Variants in KCNAB1 observed in about 807,000 individuals in gnomAD.
KCNAB1 encodes voltage-gated potassium channel subunit beta-1.
KCNAB1 carries 35 observed loss-of-function variants against 64.6 expected under a neutral mutation model. The ratio of observed to expected loss-of-function variants is 0.54; its 90% confidence interval spans 0.41 to 0.72. KCNAB1 has a LOEUF of 0.72. Ranked by LOEUF, KCNAB1 falls within the 30% of genes least tolerant of loss-of-function variation. The pLI is 0.00. For missense variants in KCNAB1, 401 were observed against 512.9 expected, an observed-to-expected ratio of 0.78 and a Z score of 2.11; for synonymous variants, 177 against 183.8, an observed-to-expected ratio of 0.96 and a Z score of 0.30.
At chr3:156,347,870 G>A (rs1724585208) in intron 1 of KCNAB1, among the ~76,000 whole-genome samples, 1 of 152,032 alleles carries the variant, frequency 6.6e-6, no homozygotes, top group Admixed American at 6.6e-5. Flanking sequence ...GATCTGGCAG[G>A]GCAAAATCAA....
intron 1 of KCNAB1, among the ~76,000 whole-genome samples, chr3:156,225,402 G>A (rs112855024): frequency 6.6e-6 from 1 of 152,114 alleles, no homozygotes; most frequent in East Asian, 1.9e-4. Flanking sequence ...AGCAAAATCG[G>A]CATAGAAGGG....
chr3:156,293,211 G>A (rs976166706), intron 1 of KCNAB1, among the ~76,000 whole-genome samples: 5 of 152,154 alleles, frequency 3.3e-5, no homozygotes, highest in African/African-American at 1.2e-4. Context: ...AAGTCCCTCT[G>A]ACTTTATTTC....
At chr3:156,388,953 G>T (rs1164101189) in intron 1 of KCNAB1, among the ~76,000 whole-genome samples, 2 of 152,156 alleles carry the variant, frequency 1.3e-5, no homozygotes, top group African/African-American at 4.8e-5. Context: ...TGGAAGTATT[G>T]GCAGATAAGA....
chr3:156,155,361 C>T lies in KCNAB1; in HGVS notation c.275+34475C>T, dbSNP rs543926524. On this transcript the variant is annotated intron_variant, in intron 1 of 13. Coordinates refer to ENST00000490337, the MANE Select transcript of KCNAB1 (RefSeq NM_172160.3). ...TTAAAGGATTTAATTCTAGTGGGGA[C>T]GTGCCAGTTAATGAACAAAAATAAA... is the stretch of plus-strand genomic sequence containing the variant. Among the ~76,000 whole-genome samples, 149 of 152,188 alleles carry T rather than the reference C, an allele frequency of 9.8e-4. 1 individual carries two copies. The highest frequency in any genetic ancestry group is 4.1e-3 in the South Asian group (20 of 4,824).
At chr3:156,260,064 C>T (rs150854670) in intron 1 of KCNAB1, among the ~76,000 whole-genome samples, 7 of 152,226 alleles carry the variant, frequency 4.6e-5, no homozygotes, top group Admixed American at 2.6e-4. Context: ...AGCAACTAAA[C>T]GCATTGTTCT....
chr3:156,499,221 C>T (rs866617685), intron 8 of KCNAB1, among the ~76,000 whole-genome samples: 20 of 152,332 alleles, frequency 1.3e-4, no homozygotes, highest in Middle Eastern at 3.4e-3. Context: ...GATGGGAAAT[C>T]ATGAGGGATC....
At chr3:156,419,893 C>G (rs1393019355) in intron 1 of KCNAB1, among the ~76,000 whole-genome samples, 1 of 152,224 alleles carries the variant, frequency 6.6e-6, no homozygotes, top group Non-Finnish European at 1.5e-5. Context: ...GATTCCTACC[C>G]CTTAAAATCA....
chr3:156,226,030 A>G (rs1001715796), intron 1 of KCNAB1, among the ~76,000 whole-genome samples: 1 of 152,144 alleles, frequency 6.6e-6, no homozygotes, highest in Non-Finnish European at 1.5e-5. Context: ...TTCCCATCAA[A>G]ACACCACCAT....
chr3:156,269,848 T>C (rs1456420832), intron 1 of KCNAB1, among the ~76,000 whole-genome samples: 1 of 152,106 alleles, frequency 6.6e-6, no homozygotes, highest in African/African-American at 2.4e-5. Context: ...CTTTATTATT[T>C]TCAGTCTATG....
At chr3:156,424,591 T>TATG (rs1201555009) in intron 2 of KCNAB1, among the ~76,000 whole-genome samples, 1 of 152,108 alleles carries the variant, frequency 6.6e-6, no homozygotes, top group Non-Finnish European at 1.5e-5. Context: ...GTAAGAAATA[T>TATG]ATGTAGTGAA....
At chr3:156,242,551 T>C (rs527669949) in intron 1 of KCNAB1, among the ~76,000 whole-genome samples, 2 of 152,198 alleles carry the variant, frequency 1.3e-5, no homozygotes, top group African/African-American at 2.4e-5. Flanking sequence ...ACTTTTTTTT[T>C]CTGAAAAATT....
intron 1 of KCNAB1, among the ~76,000 whole-genome samples, chr3:156,297,523 T>G (rs1297371706): frequency 1.3e-5 from 2 of 151,938 alleles, no homozygotes; most frequent in Non-Finnish European, 2.9e-5. Context: ...ATAAGAAAAT[T>G]TATGTTAAAT....
intron 1 of KCNAB1, chr3:156,143,131 A>C: frequency 1.3e-6 from 2 of 1,518,000 alleles, no homozygotes; most frequent in Non-Finnish European, 1.8e-6. Context: ...AGTGAGTCTT[A>C]AAGTTAAGCA....
chr3:156,432,536 C>T (rs2108245359), intron 2 of KCNAB1, among the ~76,000 whole-genome samples: 2 of 152,208 alleles, frequency 1.3e-5, no homozygotes, highest in South Asian at 4.1e-4. Flanking sequence ...AAAGAGGCTA[C>T]CAACACATAA....
intron 1 of KCNAB1, among the ~76,000 whole-genome samples, chr3:156,185,198 C>T (rs1265513832): frequency 6.6e-6 from 1 of 152,216 alleles, no homozygotes; most frequent in Non-Finnish European, 1.5e-5. Flanking sequence ...AGCTCTTCCC[C>T]AGCTCATGTG....
At chr3:156,355,915 A>C (rs187742878) in intron 1 of KCNAB1, among the ~76,000 whole-genome samples, 1 of 152,198 alleles carries the variant, frequency 6.6e-6, no homozygotes, top group East Asian at 1.9e-4. Context: ...CCAGGAGTTC[A>C]AGACCAGCCT....
At chr3:156,478,642 A>G (rs1359593758) in intron 8 of KCNAB1, among the ~76,000 whole-genome samples, 1 of 152,188 alleles carries the variant, frequency 6.6e-6, no homozygotes, top group Non-Finnish European at 1.5e-5. Context: ...AACAACTTCC[A>G]TTTAAATATT....
At chr3:156,426,415 G>A (rs769213684) in intron 2 of KCNAB1, among the ~76,000 whole-genome samples, 5 of 152,138 alleles carry the variant, frequency 3.3e-5, no homozygotes, top group East Asian at 1.9e-4. Flanking sequence ...AACCTCCCTC[G>A]TTATCAGCAT....
intron 1 of KCNAB1, among the ~76,000 whole-genome samples, chr3:156,137,712 A>ATTTTTT (rs66960245): frequency 1.4e-5 from 2 of 141,062 alleles, no homozygotes. Flanking sequence ...CGTCTGGCTA[A>ATTTTTT]TTTTTTTTTT....
Sources: allele counts gnomAD v4.1 joint callset (sites outside exome capture counted in the v4.1 genomes callset), GRCh38; gene constraint gnomAD v4.1.1; transcripts MANE v1.5; gene names NCBI Gene and HGNC (gene_info 2026-07-23, HGNC 2026-07-21).